The following DPP6 variants were observed in gnomAD, a reference collection of about 807,000 sequenced individuals.
The protein encoded by DPP6 is dipeptidyl peptidase like 6, also known as A-type potassium channel modulatory protein DPP6.
In DPP6, 69 loss-of-function variants were observed where a neutral mutation model predicts 122.6. The observed-to-expected ratio is 0.56, with a 90% CI of 0.46 to 0.69. The LOEUF (loss-of-function observed/expected upper bound fraction) is 0.69, where lower values mean the gene tolerates loss of function less well. Ranked by LOEUF, DPP6 falls within the 30% of genes least tolerant of loss-of-function variation. The pLI, the probability that DPP6 is intolerant of heterozygous loss-of-function variation, is 0.00. For synonymous variants in DPP6, 418 were observed against 433.1 expected, an observed-to-expected ratio of 0.97 and a Z score of 0.43; for missense variants, 928 against 1,116.9, an observed-to-expected ratio of 0.83 and a Z score of 2.41.
intron 1 of DPP6, among the ~76,000 whole-genome samples, chr7:153,943,111 C>G (rs1041071296): frequency 1.3e-5 from 2 of 152,092 alleles, no homozygotes; most frequent in Non-Finnish European, 2.9e-5. Flanking sequence ...CCAATATACC[C>G]TTAATAAAGT....
At chr7:154,425,623 T>TGTGTGG (rs1554545598) in intron 1 of DPP6, among the ~76,000 whole-genome samples, 29,713 of 115,682 alleles carry the variant, frequency 0.26, 3,327 homozygotes, top group Middle Eastern at 0.33. Flanking sequence ...TGTGTGTGGG[T>TGTGTGG]GTGTGTGTGT....
chr7:154,727,682 G>A, intron 7 of DPP6, 85 bp from the exon 8 acceptor site: 3 of 1,470,144 alleles, frequency 2.0e-6, no homozygotes, highest in Non-Finnish European at 2.7e-6. Context: ...TGAAAACCCG[G>A]TTGATGATTT....
intron 5 of DPP6, chr7:154,588,098 T>A (rs760029778): frequency 1.9e-6 from 3 of 1,594,338 alleles, no homozygotes; most frequent in Non-Finnish European, 2.6e-6. Flanking sequence ...TTGCAGCCTC[T>A]GCTGCCAGCA....
intron 1 of DPP6, among the ~76,000 whole-genome samples, chr7:154,015,516 G>C (rs1461812470): frequency 1.3e-5 from 2 of 152,102 alleles, no homozygotes; most frequent in Non-Finnish European, 2.9e-5. Context: ...TCGCTTACAT[G>C]TGGCCAGAAG....
intron 6 of DPP6, among the ~76,000 whole-genome samples, chr7:154,641,190 G>A (rs1382031001): frequency 6.6e-6 from 1 of 152,144 alleles, no homozygotes; most frequent in Non-Finnish European, 1.5e-5. Context: ...TGTGTGGAAG[G>A]TGGGAGTTGC....
At chr7:154,589,157 C>A (rs973961750) in intron 5 of DPP6, among the ~76,000 whole-genome samples, 1 of 152,162 alleles carries the variant, frequency 6.6e-6, no homozygotes, top group African/African-American at 2.4e-5. Flanking sequence ...TGAGCAGGTG[C>A]CTCCTAACGC....
chr7:153,830,094 G>C, the DPP6 span, among the ~76,000 whole-genome samples: 9 of 152,156 alleles, frequency 5.9e-5, no homozygotes, highest in African/African-American at 2.2e-4. Context: ...ACAAATTTGG[G>C]CTCAACAATA....
At chr7:154,227,374 C>T (rs4323397) in intron 1 of DPP6, among the ~76,000 whole-genome samples, 131,542 of 152,106 alleles carry the variant, frequency 0.86, 57,066 homozygotes, top group African/African-American at 0.92. Context: ...TAGATGAGAG[C>T]GGAATGGTGG....
chr7:154,165,160 C>T (rs1797182729), intron 1 of DPP6, among the ~76,000 whole-genome samples: 1 of 142,788 alleles, frequency 7.0e-6, no homozygotes, highest in South Asian at 2.4e-4. Flanking sequence ...TCCCCCCTCC[C>T]CCCAACCCAC....
chr7:154,887,935 C>T (rs765399694), intron 23 of DPP6, among the ~76,000 whole-genome samples: 5 of 152,114 alleles, frequency 3.3e-5, no homozygotes, highest in African/African-American at 9.7e-5. Context: ...CTCTGGGTTC[C>T]GCCTGATTTC....
chr7:153,800,605 C>T, the DPP6 span, among the ~76,000 whole-genome samples: 1 of 152,110 alleles, frequency 6.6e-6, no homozygotes, highest in Non-Finnish European at 1.5e-5. Flanking sequence ...CAACCTCCAC[C>T]TCCCAGGTTC....
intron 1 of DPP6, among the ~76,000 whole-genome samples, chr7:153,989,081 C>G (rs1256508997): frequency 2.7e-5 from 4 of 150,232 alleles, no homozygotes; most frequent in Non-Finnish European, 3.0e-5. Context: ...GGACAGCGCC[C>G]GCGAGGTGCT....
intron 5 of DPP6, among the ~76,000 whole-genome samples, chr7:154,581,667 G>C (rs997765372): frequency 5.3e-5 from 8 of 152,238 alleles, no homozygotes; most frequent in African/African-American, 1.9e-4. Context: ...GAAACAGGCA[G>C]ATCTTCTCTG....
intron 1 of DPP6, among the ~76,000 whole-genome samples, chr7:154,364,026 T>C (rs982483555): frequency 2.0e-5 from 3 of 152,142 alleles, no homozygotes; most frequent in Non-Finnish European, 4.4e-5. Flanking sequence ...GTCCAGCCCT[T>C]TGCTTGGGAC....
upstream of DPP6, among the ~76,000 whole-genome samples, chr7:154,050,212 C>T (rs1800227858): frequency 1.3e-5 from 2 of 152,058 alleles, no homozygotes; most frequent in South Asian, 4.1e-4. Context: ...AAGCAGAAAT[C>T]GCTTATCATA....
At chr7:154,769,313 G>T in intron 8 of DPP6, 104 bp from the exon 9 acceptor site, 3 of 1,480,116 alleles carry the variant, frequency 2.0e-6, no homozygotes, top group Non-Finnish European at 2.8e-6. Context: ...AAGGGGCTCT[G>T]CAGGGACTCG....
chr7:154,144,749 C>G (rs1409272277), intron 1 of DPP6, among the ~76,000 whole-genome samples: 1 of 151,932 alleles, frequency 6.6e-6, no homozygotes, highest in Non-Finnish European at 1.5e-5. Flanking sequence ...AAGGATGGGG[C>G]CCTAATCCAA....
At chr7:153,856,497 T>C in the DPP6 span, among the ~76,000 whole-genome samples, 1 of 152,232 alleles carries the variant, frequency 6.6e-6, no homozygotes, top group Non-Finnish European at 1.5e-5. Flanking sequence ...CATAATATTA[T>C]GTACAAAAAA....
chr7:154,509,520 G>C lies in DPP6; in HGVS notation c.458-31012G>C, dbSNP rs143068111. Among the ~76,000 whole-genome samples, 286 of 152,296 alleles carry C rather than the reference G, an allele frequency of 1.9e-3. 1 individual carries two copies. The highest frequency in any genetic ancestry group is 6.7e-3 in the African/African-American group (277 of 41,570). ...GGAAAAAACAGAACCTTCACGTCCT[G>C]CTGGTGGTAATGGAAAATGGTGTAA... is the stretch of plus-strand genomic sequence containing the variant. On this transcript the variant is annotated intron_variant, in intron 3 of 25. Transcript: ENST00000377770.
Sources: gnomAD v4.1 joint callset for allele counts (sites outside exome capture counted in the v4.1 genomes callset) on GRCh38, gnomAD v4.1.1 for gene constraint, MANE v1.5 for transcripts, NCBI Gene and HGNC (gene_info 2026-07-23, HGNC 2026-07-21) for gene names.